AGK: variants seen among roughly 807,000 people sequenced by gnomAD.
AGK encodes the protein acylglycerol kinase, mitochondrial.
Under a neutral mutation model 66.4 loss-of-function variants are expected in AGK, and 52 were observed. The ratio of observed to expected loss-of-function variants is 0.78; its 90% CI spans 0.63 to 0.99. The LOEUF is 0.99. Ranked by LOEUF, AGK falls within the 50% of genes least tolerant of loss-of-function variation. The pLI, the probability that AGK is intolerant of heterozygous loss-of-function variation, is 0.00. For synonymous variants in AGK, 182 were observed against 181.1 expected, an observed-to-expected ratio of 1.00 and a Z score of -0.04; for missense variants, 451 against 506.6, an observed-to-expected ratio of 0.89 and a Z score of 1.05.
chr7:141,624,530 C>A (rs1447510223), intron 9 of AGK, among the ~76,000 whole-genome samples: 4 of 152,110 alleles, frequency 2.6e-5, no homozygotes, highest in Non-Finnish European at 5.9e-5. Flanking sequence ...TTGATTCCAA[C>A]CCTCATGGAT....
intron 2 of AGK, among the ~76,000 whole-genome samples, chr7:141,561,945 C>T (rs576730382): frequency 1.6e-4 from 24 of 152,274 alleles, no homozygotes; most frequent in African/African-American, 5.5e-4. Context: ...TGGATCTAGC[C>T]ATCCAGCAGG....
chr7:141,588,221 C>T (rs149391934), intron 2 of AGK, among the ~76,000 whole-genome samples: 94 of 152,262 alleles, frequency 6.2e-4, no homozygotes, highest in Admixed American at 1.2e-3. Context: ...ATCTGCTTTC[C>T]GACCCTACTG....
intron 2 of AGK, among the ~76,000 whole-genome samples, chr7:141,556,205 GCAAT>G (rs1458955267): frequency 6.6e-6 from 1 of 152,108 alleles, no homozygotes; most frequent in Non-Finnish European, 1.5e-5. Context: ...TCTAAAGTAG[GCAAT>G]CAGATATGTA....
chr7:141,571,510 T>A (rs1189165681), intron 2 of AGK, among the ~76,000 whole-genome samples: 1 of 152,210 alleles, frequency 6.6e-6, no homozygotes, highest in East Asian at 1.9e-4. Flanking sequence ...CAAGGATGCT[T>A]ATAGGCCTGT....
At chr7:141,615,797 C>G (rs1001953356) in intron 8 of AGK, 5 of 503,270 alleles carry the variant, frequency 9.9e-6, no homozygotes, top group African/African-American at 7.8e-5. Flanking sequence ...ACTTGATGTC[C>G]TTTTGTCAGT....
At chr7:141,622,967 G>C (rs1473701592) in intron 9 of AGK, among the ~76,000 whole-genome samples, 2 of 152,076 alleles carry the variant, frequency 1.3e-5, no homozygotes, top group Admixed American at 6.6e-5. Flanking sequence ...AGTGAGAAAG[G>C]CATGTTAAAA....
At chr7:141,650,782 A>G (rs1036358277) in intron 14 of AGK, 1 of 670,776 alleles carries the variant, frequency 1.5e-6, no homozygotes, top group East Asian at 1.4e-4. Context: ...TATTGGTTCC[A>G]GGACCTCCCT....
chr7:141,636,361 C>T (rs889283069), intron 10 of AGK, among the ~76,000 whole-genome samples: 4 of 152,028 alleles, frequency 2.6e-5, no homozygotes, highest in Non-Finnish European at 2.9e-5. Context: ...TACACTTGAC[C>T]CATTGTATCC....
chr7:141,597,890 C>CAAAGAAAAAAAA (rs1796260112), intron 4 of AGK, among the ~76,000 whole-genome samples: 1 of 71,444 alleles, frequency 1.4e-5, no homozygotes, highest in Non-Finnish European at 2.5e-5. Context: ...GACTCTGTCT[C>CAAAGAAAAAAAA]AAAAAAAAAA....
At chr7:141,603,440 G>A (rs1055536713) in intron 5 of AGK, among the ~76,000 whole-genome samples, 1 of 151,960 alleles carries the variant, frequency 6.6e-6, no homozygotes, top group Non-Finnish European at 1.5e-5. Flanking sequence ...AGTACTATTG[G>A]TAATTTATAC....
intron 2 of AGK, among the ~76,000 whole-genome samples, chr7:141,586,006 CT>C (rs1284482718): frequency 5.4e-5 from 8 of 148,476 alleles, no homozygotes; most frequent in East Asian, 2.0e-4. Flanking sequence ...ATAGAGTGTA[CT>C]TTTTTTTTTG....
chr7:141,555,544 C>G lies in AGK; in HGVS notation c.78C>G (p.Gly26=), dbSNP rs748836176. 4 of 1,613,864 alleles carry G rather than the reference C, an allele frequency of 2.5e-6. No individual in the cohort carries two copies. Among genetic ancestry groups the G allele is most frequent in the Non-Finnish European group, 3.4e-6 (4 of 1,179,860 alleles). Residue 26 remains glycine, a synonymous_variant, in exon 2 of 16, where the codon GGC becomes GGG. Transcript: ENST00000649286. The surrounding 1 kb of genome is among the most constrained non-coding windows in gnomAD (Gnocchi z 4.2). The part of the protein sequence containing the change: ...TAGLCLLTWG[G]HWLYGKHCDN... ...GGCTCTGCCTGCTGACCTGGGGAGGCCATTGGCTCTATGGAAAACACTGGT... is the reference window on the plus strand; with the variant it reads ...GGCTCTGCCTGCTGACCTGGGGAGGGCATTGGCTCTATGGAAAACACTGGT...
intron 3 of AGK, chr7:141,593,465 T>C (rs1796165271): frequency 2.9e-6 from 2 of 685,952 alleles, no homozygotes; most frequent in East Asian, 5.4e-5. Context: ...TGGGAATTTG[T>C]TTGTGTCTGC....
intron 2 of AGK, among the ~76,000 whole-genome samples, chr7:141,556,406 T>G (rs777445119): frequency 1.3e-5 from 2 of 152,082 alleles, no homozygotes; most frequent in Non-Finnish European, 2.9e-5. Context: ...TAGGCAGTAG[T>G]GGCGTGCACC....
chr7:141,596,314 T>G (rs1320884310), intron 3 of AGK, among the ~76,000 whole-genome samples: 2 of 152,154 alleles, frequency 1.3e-5, no homozygotes, highest in Non-Finnish European at 2.9e-5. Flanking sequence ...ATAAATGTTA[T>G]TTGCCTCTAG....
At chr7:141,583,726 C>G (rs757741393) in intron 2 of AGK, among the ~76,000 whole-genome samples, 1 of 151,824 alleles carries the variant, frequency 6.6e-6, no homozygotes, top group Non-Finnish European at 1.5e-5. Context: ...TGACTGGTGC[C>G]GGAGTTTTGG....
At chr7:141,561,133 G>C (rs1327283777) in intron 2 of AGK, among the ~76,000 whole-genome samples, 1 of 152,166 alleles carries the variant, frequency 6.6e-6, no homozygotes, top group Admixed American at 6.5e-5. Flanking sequence ...GTATTCCATG[G>C]TGTATATATA....
At chr7:141,603,279 G>T (rs769798678) in intron 5 of AGK, among the ~76,000 whole-genome samples, 3 of 152,078 alleles carry the variant, frequency 2.0e-5, no homozygotes, top group Non-Finnish European at 4.4e-5. Flanking sequence ...TCACTACATA[G>T]ATTTGTCCAT....
In AGK at chr7:141,641,344, T is replaced by C. The variant is rs761920305; in HGVS notation, c.823T>C (p.Leu275=). The stretch of plus-strand genomic sequence containing the variant: ...GGAGACCCCTGTACAAAGGCCTTCT[T>C]TGTACAGGAGAATATTACGAAGGCT... ...PEETPVQRPS[L]YRRILRRLAS... is the part of the protein sequence containing the mutation. Residue 275 remains leucine, a synonymous_variant, in exon 12 of 16, where the codon TTG becomes CTG. Transcript: ENST00000649286. 23 of 1,613,746 alleles carry C rather than the reference T, an allele frequency of 1.4e-5. No homozygotes were observed. The highest frequency in any genetic ancestry group is 1.9e-5 in the Non-Finnish European group (23 of 1,179,920).
Sources: allele counts gnomAD v4.1 joint callset (sites outside exome capture counted in the v4.1 genomes callset), GRCh38; gene constraint gnomAD v4.1.1; non-coding constraint Gnocchi (gnomAD v3.1); transcripts MANE v1.5; gene names NCBI Gene and HGNC (gene_info 2026-07-23, HGNC 2026-07-21).